Variants in SNTG1 observed in about 807,000 individuals in gnomAD.
SNTG1 encodes the protein gamma-1-syntrophin.
In SNTG1, 39 loss-of-function variants were observed where a neutral mutation model predicts 74.7. The ratio of observed to expected loss-of-function variants is 0.52; its 90% CI spans 0.40 to 0.68. SNTG1 has a LOEUF of 0.68. Among genes scored for constraint, SNTG1 ranks in the 30% least tolerant of loss-of-function variants. The probability of loss-of-function intolerance (pLI) is 0.00; values close to 1 mark genes in which losing one functional copy is unlikely to be tolerated. For missense variants in SNTG1, 685 were observed against 609.5 expected, an observed-to-expected ratio of 1.12 and a Z score of -1.30; for synonymous variants, 254 against 217.1, an observed-to-expected ratio of 1.17 and a Z score of -1.49.
At chr8:50,233,340 A>T (rs1027158484) in intron 2 of SNTG1, among the ~76,000 whole-genome samples, 1 of 151,738 alleles carries the variant, frequency 6.6e-6, no homozygotes, top group Non-Finnish European at 1.5e-5. Flanking sequence ...TGGTGCTGGT[A>T]ACAATTGGAT....
At chr8:50,623,025 A>T (rs2094933303) in intron 13 of SNTG1, among the ~76,000 whole-genome samples, 1 of 152,224 alleles carries the variant, frequency 6.6e-6, no homozygotes, top group Non-Finnish European at 1.5e-5. Flanking sequence ...TTGTATCCTG[A>T]AACTTCACTG....
intron 3 of SNTG1, among the ~76,000 whole-genome samples, chr8:50,395,320 A>G (rs2092712924): frequency 6.6e-6 from 1 of 152,036 alleles, no homozygotes; most frequent in Non-Finnish European, 1.5e-5. Flanking sequence ...CTATGCTAAT[A>G]CTCATCAAAT....
In SNTG1 at chr8:50,520,100, C is replaced by A. The variant is rs117934428; in HGVS notation, c.467-10077C>A. Among the ~76,000 whole-genome samples the A allele has an allele frequency of 2.0e-4, 31 of 152,222 alleles. No individual in the cohort carries two copies. The East Asian group carries it at 5.8e-3, about 28-fold the overall frequency. On this transcript the variant is annotated intron_variant, in intron 9 of 18. Transcript: ENST00000642720. The stretch of plus-strand genomic sequence containing the variant: ...ACTGGTAACAAAACAGACATACAGA[C>A]CAGTGGAACAGAACTGAGGCCTTAG...
chr8:50,235,920 A>G (rs2085869450), intron 2 of SNTG1, among the ~76,000 whole-genome samples: 1 of 152,234 alleles, frequency 6.6e-6, no homozygotes, highest in Non-Finnish European at 1.5e-5. Flanking sequence ...ATTTAAATTT[A>G]AAGTAGATAA....
chr8:50,158,702 T>C (rs2082324424), intron 1 of SNTG1, among the ~76,000 whole-genome samples: 1 of 152,170 alleles, frequency 6.6e-6, no homozygotes, highest in Non-Finnish European at 1.5e-5. Context: ...ATAATTTGTT[T>C]CTCTATTCCT....
intron 1 of SNTG1, among the ~76,000 whole-genome samples, chr8:50,000,418 G>A (rs188786536): frequency 6.6e-5 from 10 of 152,132 alleles, no homozygotes; most frequent in East Asian, 1.9e-4. Flanking sequence ...CTGCTCCTCC[G>A]AGTTGTTCTG....
intron 2 of SNTG1, among the ~76,000 whole-genome samples, chr8:50,195,581 GC>G (rs2083735773): frequency 6.6e-6 from 1 of 152,162 alleles, no homozygotes; most frequent in Admixed American, 6.6e-5. Context: ...GGCAAGAATG[GC>G]CTGCTAGGGG....
intron 9 of SNTG1, among the ~76,000 whole-genome samples, chr8:50,524,446 TA>T (rs2094204403): frequency 6.6e-6 from 1 of 152,124 alleles, no homozygotes; most frequent in Non-Finnish European, 1.5e-5. Context: ...TATACTTTAT[TA>T]AATACTATTA....
chr8:50,064,074 A>C (rs1265386600), intron 1 of SNTG1, among the ~76,000 whole-genome samples: 5 of 152,214 alleles, frequency 3.3e-5, no homozygotes, highest in African/African-American at 1.2e-4. Flanking sequence ...TCGTGGTACC[A>C]GCTAACTCTG....
chr8:50,718,059 C>A (rs2095479087), intron 17 of SNTG1, among the ~76,000 whole-genome samples: 1 of 151,998 alleles, frequency 6.6e-6, no homozygotes, highest in South Asian at 2.1e-4. Flanking sequence ...AACAAGTAGT[C>A]GTGAGTTTAA....
rs78368084 is a variant in SNTG1, at chr8:50,574,631, C to A, written c.811-16248C>A. On this transcript the variant is annotated intron_variant, in intron 12 of 18. Transcript: ENST00000642720. Reference sequence around the variant, plus strand: ...TTTTGTTCATATGTGATCATAAACACTTCCTCAGAACAGTAATCATATTCT... The same window carrying A: ...TTTTGTTCATATGTGATCATAAACAATTCCTCAGAACAGTAATCATATTCT... Among the ~76,000 whole-genome samples, 69 of 152,248 alleles carry A rather than the reference C, an allele frequency of 4.5e-4. No homozygotes were observed. The East Asian group carries it at 0.01, about 23-fold the overall frequency.
intron 1 of SNTG1, among the ~76,000 whole-genome samples, chr8:50,010,444 T>G (rs372476714): frequency 2.0e-5 from 3 of 152,304 alleles, no homozygotes; most frequent in East Asian, 3.9e-4. Flanking sequence ...ATAGCCATTT[T>G]TCATTCACTA....
At chr8:50,423,997 G>A (rs1407038305) in intron 4 of SNTG1, among the ~76,000 whole-genome samples, 1 of 152,140 alleles carries the variant, frequency 6.6e-6, no homozygotes, top group East Asian at 1.9e-4. Context: ...GAGACTGATG[G>A]AACCTGTGTT....
chr8:50,647,439 CAT>C (rs1395946378), intron 13 of SNTG1, among the ~76,000 whole-genome samples: 2 of 151,442 alleles, frequency 1.3e-5, no homozygotes, highest in Non-Finnish European at 2.9e-5. Flanking sequence ...CACACACACA[CAT>C]ATATATATAC....
At chr8:50,046,413 G>A (rs1180926504) in intron 1 of SNTG1, among the ~76,000 whole-genome samples, 3 of 152,192 alleles carry the variant, frequency 2.0e-5, no homozygotes, top group Middle Eastern at 3.4e-3. Context: ...ATTACCTCAT[G>A]GTTGCAAGCT....
chr8:50,775,537 GC>G (rs544669714), intron 18 of SNTG1, among the ~76,000 whole-genome samples: 163 of 151,534 alleles, frequency 1.1e-3, no homozygotes, highest in African/African-American at 3.6e-3. Flanking sequence ...TTTGTTTTAT[GC>G]CCCCAGTATG....
At chr8:50,788,470 T>G (rs1271044960) in intron 18 of SNTG1, among the ~76,000 whole-genome samples, 4 of 151,950 alleles carry the variant, frequency 2.6e-5, no homozygotes, top group African/African-American at 4.8e-5. Flanking sequence ...CTCAATTTTG[T>G]TCAGAGGACT....
Position 50,796,215 on chromosome 8 carries a change from GAGA to G in SNTG1, c.*3389_*3391del, listed in dbSNP as rs1802806193. 1 of 152,032 alleles carries G rather than the reference GAGA, an allele frequency of 6.6e-6. No individual in the cohort carries two copies. The highest frequency in any genetic ancestry group is 6.6e-5 in the Admixed American group (1 of 15,240). The allele number at this position is 152,032 out of a possible 1,614,324, so 9.4% of individuals were successfully genotyped here. A position where few individuals can be genotyped will look rare whatever the true frequency, so the allele number is the denominator to read the frequency against. The stretch of plus-strand genomic sequence containing the variant: ...ATTACTGCTAGAAATCAGCAGTGTG[GAGA>G]AGCTTTAAAAGCACAAGGATGATCT... On this transcript the variant is annotated 3_prime_UTR_variant, in exon 19 of 19. Coordinates refer to ENST00000642720, the MANE Select transcript of SNTG1 (RefSeq NM_018967.5).
At chr8:50,775,057 G>A (rs954648724) in intron 18 of SNTG1, among the ~76,000 whole-genome samples, 1 of 150,720 alleles carries the variant, frequency 6.6e-6, no homozygotes, top group South Asian at 2.1e-4. Flanking sequence ...AATAAAAACA[G>A]TAATGGAAAA....
Sources: gnomAD v4.1 joint callset for allele counts (sites outside exome capture counted in the v4.1 genomes callset) on GRCh38, gnomAD v4.1.1 for gene constraint, MANE v1.5 for transcripts, NCBI Gene and HGNC (gene_info 2026-07-23, HGNC 2026-07-21) for gene names.